The following RASGEF1A variants were observed in gnomAD, a reference collection of about 807,000 sequenced individuals.
RASGEF1A encodes the protein RasGEF domain family member 1A, also known as ras-GEF domain-containing family member 1A.
RASGEF1A carries 18 observed loss-of-function variants against 56.4 expected under a neutral mutation model. The observed-to-expected ratio is 0.32, with a 90% CI of 0.22 to 0.47. The LOEUF (loss-of-function observed/expected upper bound fraction) is 0.47, where lower values mean the gene tolerates loss of function less well. Among genes scored for constraint, RASGEF1A ranks in the 20% least tolerant of loss-of-function variants. RASGEF1A has a pLI of 1.00. For synonymous variants in RASGEF1A, 245 were observed against 242.6 expected, an observed-to-expected ratio of 1.01 and a Z score of -0.09; for missense variants, 422 against 627.1, an observed-to-expected ratio of 0.67 and a Z score of 3.49.
Position 43,199,211 on chromosome 10 carries a change from G to T in RASGEF1A, c.850-17C>A, listed in dbSNP as rs1839852141. The stretch of plus-strand genomic sequence containing the variant: ...CTTCACCACCTGGAAGGTGGCAGGT[G>T]ACCTCAGCATGGCGCTGCCGGGGGA... On this transcript the variant is annotated splice_polypyrimidine_tract_variant and intron_variant, in intron 7 of 12. Coordinates refer to ENST00000395810, the MANE Select transcript of RASGEF1A (RefSeq NM_145313.4). 1 of 1,583,114 alleles carries T rather than the reference G, an allele frequency of 6.3e-7. No homozygotes were observed. The highest frequency in any genetic ancestry group is 1.3e-5 in the African/African-American group (1 of 74,400).
intron 5 of RASGEF1A, 106 bp from the exon 6 acceptor site, chr10:43,200,362 A>T: frequency 1.0e-6 from 1 of 952,500 alleles, no homozygotes. Flanking sequence ...AGGGCACAGG[A>T]CCTTCACCTC....
intron 1 of RASGEF1A, among the ~76,000 whole-genome samples, chr10:43,242,500 C>T (rs1840513521): frequency 1.3e-5 from 2 of 152,066 alleles, no homozygotes; most frequent in Non-Finnish European, 2.9e-5. Flanking sequence ...CGCTCCCTCT[C>T]CCTCTCCCTC....
intron 1 of RASGEF1A, among the ~76,000 whole-genome samples, chr10:43,216,906 G>A (rs533683249): frequency 3.9e-5 from 6 of 152,262 alleles, no homozygotes; most frequent in Middle Eastern, 3.4e-3. Flanking sequence ...CATCAGGACC[G>A]GTCAGATAGT....
chr10:43,238,465 T>C (rs1246082439), intron 1 of RASGEF1A, among the ~76,000 whole-genome samples: 1 of 152,234 alleles, frequency 6.6e-6, no homozygotes, highest in Non-Finnish European at 1.5e-5. Flanking sequence ...AGTTTACTTA[T>C]ATTTCATTTA....
intron 1 of RASGEF1A, among the ~76,000 whole-genome samples, chr10:43,228,984 C>T (rs1840320694): frequency 6.6e-6 from 1 of 152,228 alleles, no homozygotes; most frequent in Non-Finnish European, 1.5e-5. Context: ...CTGCCGCACC[C>T]GAATCACACC....
chr10:43,217,040 C>A (rs139210338), intron 1 of RASGEF1A, among the ~76,000 whole-genome samples: 2 of 152,314 alleles, frequency 1.3e-5, no homozygotes, highest in African/African-American at 4.8e-5. Context: ...GGGATCCCAC[C>A]TGCACTGAGA....
At chr10:43,253,842 G>T (rs9787519) in intron 1 of RASGEF1A, among the ~76,000 whole-genome samples, 75,127 of 152,242 alleles carry the variant, frequency 0.49, 19,058 homozygotes, top group East Asian at 0.71. Flanking sequence ...CATGTGGTGC[G>T]GAAGCAGCTC....
At chr10:43,261,107 C>T (rs1362409473) in intron 1 of RASGEF1A, among the ~76,000 whole-genome samples, 2 of 152,146 alleles carry the variant, frequency 1.3e-5, no homozygotes, top group East Asian at 1.9e-4. Flanking sequence ...CCCTCCCCCT[C>T]GGCCCCGCCC....
At chr10:43,246,431 G>C (rs890890684) in intron 1 of RASGEF1A, among the ~76,000 whole-genome samples, 1 of 152,086 alleles carries the variant, frequency 6.6e-6, no homozygotes, top group Non-Finnish European at 1.5e-5. Context: ...CCTAAAATTC[G>C]TGTGAAAATG....
intron 2 of RASGEF1A, among the ~76,000 whole-genome samples, chr10:43,205,043 C>G (rs79906970): frequency 0.027 from 4,055 of 152,336 alleles, 180 homozygotes; most frequent in African/African-American, 0.092. Flanking sequence ...TCACCCAAAG[C>G]CCAGGAAGGC....
chr10:43,204,818 C>T (rs1216384230), intron 2 of RASGEF1A, among the ~76,000 whole-genome samples: 1 of 152,206 alleles, frequency 6.6e-6, no homozygotes, highest in African/African-American at 2.4e-5. Flanking sequence ...AGGGTGGCTT[C>T]TCCAGCTGTG....
intron 1 of RASGEF1A, chr10:43,209,324 A>T: frequency 1.7e-6 from 1 of 600,466 alleles, no homozygotes; most frequent in Non-Finnish European, 2.1e-6. Flanking sequence ...TACCTGCCCC[A>T]GGTCACAGCC....
chr10:43,207,023 G>A (rs1840005585), intron 1 of RASGEF1A: 1 of 985,608 alleles, frequency 1.0e-6, no homozygotes, highest in Non-Finnish European at 1.2e-6. Context: ...TGAAGCCTAG[G>A]GGAGTCTGAA....
intron 1 of RASGEF1A, among the ~76,000 whole-genome samples, chr10:43,242,202 A>G (rs1342073460): frequency 6.6e-6 from 1 of 152,166 alleles, no homozygotes; most frequent in Admixed American, 6.5e-5. Context: ...AAGTAATCAA[A>G]AGAGAGCCAG....
intron 1 of RASGEF1A, among the ~76,000 whole-genome samples, chr10:43,249,075 C>T (rs1000493441): frequency 3.9e-5 from 6 of 152,102 alleles, no homozygotes; most frequent in Admixed American, 1.3e-4. Flanking sequence ...AGAACTGACC[C>T]CAGAGGAAAC....
intron 1 of RASGEF1A, among the ~76,000 whole-genome samples, chr10:43,209,682 G>GC (rs34314288): frequency 0.021 from 2,982 of 141,506 alleles, 39 homozygotes; most frequent in Middle Eastern, 0.042. Flanking sequence ...AGCTCAGGAA[G>GC]CCCCCCCACC....
chr10:43,217,558 G>A (rs1373276483), intron 1 of RASGEF1A, among the ~76,000 whole-genome samples: 8 of 152,356 alleles, frequency 5.3e-5, no homozygotes, highest in Middle Eastern at 3.4e-3. Context: ...CCGGGTGACC[G>A]GCCATTGCCC....
At chr10:43,261,053 C>T (rs931754894) in intron 1 of RASGEF1A, among the ~76,000 whole-genome samples, 1 of 152,122 alleles carries the variant, frequency 6.6e-6, no homozygotes, top group African/African-American at 2.4e-5. Context: ...GCCTGGTGAC[C>T]GCAGCTGTGG....
In RASGEF1A at chr10:43,196,023, C is replaced by T. The variant is rs1251147516; in HGVS notation, c.*221G>A. ...CATCTCCCATGATACTCTCCCCTCC[C>T]CCTCCCCAAAGCAGGGCCCTGCCCT... On this transcript the variant is annotated 3_prime_UTR_variant, in exon 13 of 13. Transcript: ENST00000395810. The surrounding 1 kb of genome is among the most constrained non-coding windows in gnomAD (Gnocchi z 4.6). 9.6e-6 allele frequency: 4 copies of T among 414,550 alleles called. No homozygotes were observed. The highest frequency in any genetic ancestry group is 3.6e-4 in the Middle Eastern group (1 of 2,786). 25.7% of individuals were successfully genotyped at this position (414,550 alleles called of 1,614,324 possible). A position where few individuals can be genotyped will look rare whatever the true frequency, so the allele number is the denominator to read the frequency against.
Sources: allele counts gnomAD v4.1 joint callset (sites outside exome capture counted in the v4.1 genomes callset), GRCh38; gene constraint gnomAD v4.1.1; non-coding constraint Gnocchi (gnomAD v3.1); transcripts MANE v1.5; gene names NCBI Gene and HGNC (gene_info 2026-07-23, HGNC 2026-07-21).